The following GALNT17 variants were observed in gnomAD, a reference collection of about 807,000 sequenced individuals.
GALNT17 encodes the protein polypeptide N-acetylgalactosaminyltransferase 17, also known as UDP-GalNAc:polypeptide N-acetylgalactosaminyltransferase-like 3.
GALNT17 carries 29 observed loss-of-function variants against 63.7 expected under a neutral mutation model. The observed-to-expected ratio is 0.46, with a 90% CI of 0.34 to 0.62. The LOEUF (loss-of-function observed/expected upper bound fraction) is 0.62. Among genes scored for constraint, GALNT17 ranks in the 20% least tolerant of loss-of-function variants. GALNT17 has a pLI of 0.01. For missense variants in GALNT17, 603 were observed against 799.6 expected (o/e 0.75, Z 2.97); for synonymous variants, 305 against 318.3 (o/e 0.96, Z 0.45).
At chr7:71,264,356 A>G (rs1408414953) in intron 1 of GALNT17, among the ~76,000 whole-genome samples, 1 of 152,134 alleles carries the variant, frequency 6.6e-6, no homozygotes, top group Non-Finnish European at 1.5e-5. Flanking sequence ...TTATATAGGC[A>G]GATACATTTC....
At chr7:71,352,571 A>G (rs1390575643) in intron 2 of GALNT17, among the ~76,000 whole-genome samples, 1 of 152,168 alleles carries the variant, frequency 6.6e-6, no homozygotes, top group Admixed American at 6.5e-5. Flanking sequence ...ATATATTGGG[A>G]GATATCAAAT....
intron 5 of GALNT17, among the ~76,000 whole-genome samples, chr7:71,485,331 A>T (rs2116655417): frequency 6.6e-6 from 1 of 152,226 alleles, no homozygotes; most frequent in East Asian, 1.9e-4. Context: ...TCTTGGGCTC[A>T]AGCAATCATC....
chr7:71,600,154 G>A (rs1287880065), intron 6 of GALNT17, among the ~76,000 whole-genome samples: 4 of 151,662 alleles, frequency 2.6e-5, no homozygotes, highest in African/African-American at 9.7e-5. Flanking sequence ...TGTTATAGTG[G>A]TTTGTAGTTG....
chr7:71,142,012 CTGTGTGTGTGTGTG>C (rs201770661), intron 1 of GALNT17, among the ~76,000 whole-genome samples: 2 of 124,804 alleles, frequency 1.6e-5, no homozygotes, highest in Admixed American at 1.7e-4. Flanking sequence ...CCACATTTGG[CTGTGTGTGTGTGTG>C]TGTGTGTGTG....
intron 3 of GALNT17, among the ~76,000 whole-genome samples, chr7:71,394,471 G>A (rs998222075): frequency 1.6e-4 from 24 of 152,080 alleles, no homozygotes; most frequent in African/African-American, 5.8e-4. Context: ...TCAGCATCAG[G>A]ACACACTGGG....
At chr7:71,290,951 C>T (rs1295901798) in intron 1 of GALNT17, among the ~76,000 whole-genome samples, 2 of 152,180 alleles carry the variant, frequency 1.3e-5, no homozygotes, top group Non-Finnish European at 2.9e-5. Flanking sequence ...GCCTTGGTTT[C>T]CACATTGAGA....
At chr7:71,231,990 C>G (rs979837394) in intron 1 of GALNT17, among the ~76,000 whole-genome samples, 1 of 152,066 alleles carries the variant, frequency 6.6e-6, no homozygotes, top group African/African-American at 2.4e-5. Flanking sequence ...CTCAGTGGCT[C>G]CTCTCCCTTG....
chr7:71,361,558 A>G (rs1287952767), intron 2 of GALNT17, among the ~76,000 whole-genome samples: 2 of 152,226 alleles, frequency 1.3e-5, no homozygotes, highest in African/African-American at 4.8e-5. Context: ...AGGAATGTGA[A>G]AATGCACAAG....
intron 2 of GALNT17, among the ~76,000 whole-genome samples, chr7:71,351,042 G>A (rs73181667): frequency 0.15 from 23,569 of 152,178 alleles, 2,095 homozygotes; most frequent in South Asian, 0.29. Context: ...TCAGGAAGAT[G>A]AGGCACAAGA....
chr7:71,681,811 G>C (rs1791266494), intron 9 of GALNT17, among the ~76,000 whole-genome samples: 2 of 152,198 alleles, frequency 1.3e-5, no homozygotes, highest in South Asian at 4.1e-4. Flanking sequence ...TATGAATGTG[G>C]AACAAAGTAA....
intron 5 of GALNT17, among the ~76,000 whole-genome samples, chr7:71,448,446 T>C (rs756404713): frequency 6.6e-5 from 10 of 152,110 alleles, no homozygotes; most frequent in Admixed American, 1.3e-4. Flanking sequence ...ACTGTTTCTT[T>C]GTTTTTCTTT....
At chr7:71,201,241 T>A (rs11981951) in intron 1 of GALNT17, among the ~76,000 whole-genome samples, 30,166 of 135,282 alleles carry the variant, frequency 0.22, 4,704 homozygotes, top group African/African-American at 0.42. Flanking sequence ...GTGTTTATTT[T>A]TATATATATA....
chr7:71,566,484 A>G (rs4719152), intron 5 of GALNT17, among the ~76,000 whole-genome samples: 77,233 of 151,630 alleles, frequency 0.51, 20,353 homozygotes, highest in African/African-American at 0.63. Context: ...GCTCAGAAAC[A>G]CCCTCTAGAA....
At chr7:71,660,478 T>A (rs1259846433) in intron 6 of GALNT17, among the ~76,000 whole-genome samples, 1 of 152,226 alleles carries the variant, frequency 6.6e-6, no homozygotes, top group Non-Finnish European at 1.5e-5. Flanking sequence ...TCTCTTCATT[T>A]CTTCAGCCTG....
At chr7:71,204,388 T>C (rs1789231840) in intron 1 of GALNT17, among the ~76,000 whole-genome samples, 2 of 152,220 alleles carry the variant, frequency 1.3e-5, no homozygotes, top group Admixed American at 1.3e-4. Context: ...GAGTCTTTAG[T>C]GCTTCTATGC....
At chr7:71,594,889 C>G (rs1224364493) in intron 6 of GALNT17, among the ~76,000 whole-genome samples, 1 of 152,122 alleles carries the variant, frequency 6.6e-6, no homozygotes, top group Non-Finnish European at 1.5e-5. Context: ...AAGTCCTTAC[C>G]CCTGGTGCTT....
intron 1 of GALNT17, among the ~76,000 whole-genome samples, chr7:71,311,703 G>A (rs974496911): frequency 2.6e-5 from 4 of 152,188 alleles, no homozygotes; most frequent in African/African-American, 4.8e-5. Flanking sequence ...TTATTCTTGA[G>A]ATAGGCTGAA....
intron 6 of GALNT17, among the ~76,000 whole-genome samples, chr7:71,601,823 G>T (rs1789970900): frequency 6.6e-6 from 1 of 152,078 alleles, no homozygotes; most frequent in South Asian, 2.1e-4. Flanking sequence ...ACTGAAAATT[G>T]GGAAATTACC....
chr7:71,474,998 C>T (rs1210511937), intron 5 of GALNT17, among the ~76,000 whole-genome samples: 2 of 152,106 alleles, frequency 1.3e-5, no homozygotes, highest in East Asian at 3.9e-4. Flanking sequence ...ATGCCGGCAG[C>T]CACCAGATGC....
Sources: allele counts gnomAD v4.1 joint callset (sites outside exome capture counted in the v4.1 genomes callset), GRCh38; gene constraint gnomAD v4.1.1; transcripts MANE v1.5; gene names NCBI Gene and HGNC (gene_info 2026-07-23, HGNC 2026-07-21).